OTOGL: variants seen among roughly 807,000 people sequenced by gnomAD.
OTOGL encodes the protein otogelin-like protein.
OTOGL carries 285 observed loss-of-function variants against 318.5 expected under a neutral mutation model. The observed-to-expected ratio is 0.89, with a 90% CI of 0.81 to 0.99. The LOEUF (loss-of-function observed/expected upper bound fraction) is 0.99, where lower values mean the gene tolerates loss of function less well. Ranked by LOEUF, OTOGL falls within the 50% of genes least tolerant of loss-of-function variation. The pLI, the probability that OTOGL is intolerant of heterozygous loss-of-function variation, is 0.00. For synonymous variants in OTOGL, 987 were observed against 936.5 expected (o/e 1.05, Z -0.99); for missense variants, 2,899 against 2,845.6 (o/e 1.02, Z -0.43).
chr12:80,167,231 T>C (rs534532771), intron 1 of OTOGL, among the ~76,000 whole-genome samples: 23 of 152,142 alleles, frequency 1.5e-4, no homozygotes, highest in African/African-American at 5.5e-4. Flanking sequence ...TCAGCCTTAG[T>C]AGAGTGAAGG....
chr12:80,310,591 C>G lies in OTOGL; in HGVS notation c.3334-20C>G, dbSNP rs367786683. 1.8e-5 allele frequency: 27 copies of G among 1,518,248 alleles called. No individual in the cohort carries two copies. In the African/African-American group the frequency reaches 2.3e-4, roughly 13 times the overall value. The allele number at this position is 1,518,248 out of a possible 1,614,324, so 94.0% of individuals were successfully genotyped here. The stretch of plus-strand genomic sequence containing the variant: ...TTGTCCCTTTGAAAACTTCTTTTCT[C>G]TCTTAAATTTTTTCAACAGTGTGAA... On this transcript the variant is annotated intron_variant, in intron 29 of 58. Coordinates refer to ENST00000547103, the MANE Select transcript of OTOGL (RefSeq NM_001378609.3).
chr12:80,332,257 T>G (rs1424831595), intron 37 of OTOGL, among the ~76,000 whole-genome samples: 1 of 152,184 alleles, frequency 6.6e-6, no homozygotes. Context: ...AATACACTGG[T>G]GTTGTTTTAA....
rs541469591 is a variant in OTOGL at position 80,115,483 on chromosome 12, G to A, written c.-20+15878G>A. Reference sequence around the variant, plus strand: ...TTCCTCTGCTTCCTCTGGAGCAGAGGAAGTGTCTGGGAAGTGTCTCCCCAT... The same window carrying A: ...TTCCTCTGCTTCCTCTGGAGCAGAGAAAGTGTCTGGGAAGTGTCTCCCCAT... On this transcript the variant is annotated intron_variant, in intron 1 of 58. Transcript: ENST00000547103. Among the ~76,000 whole-genome samples the A allele has an allele frequency of 5.3e-5, 8 of 152,150 alleles. No individual in the cohort carries two copies. The South Asian group carries it at 6.2e-4, about 12-fold the overall frequency.
chr12:80,296,020 AG>A (rs1555292733), intron 26 of OTOGL, among the ~76,000 whole-genome samples: 3 of 152,144 alleles, frequency 2.0e-5, no homozygotes, highest in Non-Finnish European at 2.9e-5. Flanking sequence ...TGCCAAGGAA[AG>A]GGGTCTACCT....
At chr12:80,233,529 T>C (rs1391001769) in intron 9 of OTOGL, among the ~76,000 whole-genome samples, 2 of 152,226 alleles carry the variant, frequency 1.3e-5, no homozygotes, top group East Asian at 3.8e-4. Context: ...AGGAATAAGT[T>C]GAATAATTGA....
intron 1 of OTOGL, among the ~76,000 whole-genome samples, chr12:80,195,892 A>G (rs1455188828): frequency 1.3e-5 from 2 of 152,208 alleles, no homozygotes; most frequent in African/African-American, 4.8e-5. Context: ...GAGGTTGTTA[A>G]ACGGTTACCA....
intron 7 of OTOGL, among the ~76,000 whole-genome samples, chr12:80,226,148 A>G (rs12310547): frequency 0.044 from 6,569 of 147,770 alleles, 485 homozygotes; most frequent in African/African-American, 0.16. Context: ...ATGAGAAATT[A>G]TCTTAGTTAT....
chr12:80,198,641 A>G (rs963205822), intron 1 of OTOGL, among the ~76,000 whole-genome samples: 1 of 152,104 alleles, frequency 6.6e-6, no homozygotes, highest in African/African-American at 2.4e-5. Context: ...TAAACAAAAC[A>G]ACTCTCCATG....
In OTOGL at chr12:80,315,928, A is replaced by T. The variant is rs1886943925; in HGVS notation, c.3634+1597A>T. Among the ~76,000 whole-genome samples, 6 of 152,294 alleles carry T rather than the reference A, an allele frequency of 3.9e-5. No homozygotes were observed. The South Asian group carries it at 1.2e-3, about 32-fold the overall frequency. ...CACTTCACATCAATCTTTGGATTCC[A>T]TAATTAAAATGTGATTTATTGTCTA... On this transcript the variant is annotated intron_variant, in intron 32 of 58. Coordinates refer to ENST00000547103, the MANE Select transcript of OTOGL (RefSeq NM_001378609.3).
chr12:80,138,648 T>G (rs1299315262), intron 1 of OTOGL, among the ~76,000 whole-genome samples: 1 of 152,154 alleles, frequency 6.6e-6, no homozygotes, highest in Non-Finnish European at 1.5e-5. Flanking sequence ...AGCCAATAGC[T>G]ACATTAGCAC....
intron 1 of OTOGL, among the ~76,000 whole-genome samples, chr12:80,102,336 A>G (rs1385299461): frequency 6.6e-6 from 1 of 152,328 alleles, no homozygotes; most frequent in South Asian, 2.1e-4. Flanking sequence ...ATTATCATCA[A>G]TTAAATGTCC....
chr12:80,147,716 C>T (rs372299673), intron 1 of OTOGL, among the ~76,000 whole-genome samples: 9 of 152,114 alleles, frequency 5.9e-5, no homozygotes, highest in Middle Eastern at 3.4e-3. Flanking sequence ...CACTCAGGAC[C>T]TGCTTTATGA....
Position 80,366,511 on chromosome 12 carries a change from TTA to T in OTOGL, c.6268-44_6268-43del, listed in dbSNP as rs35874282. The T allele has an allele frequency of 4.2e-3, 744 of 175,986 alleles. 4 individuals carry two copies. The highest frequency in any genetic ancestry group is 0.014 in the Middle Eastern group (7 of 490). The allele number at this position is 175,986 out of a possible 1,614,324, so 10.9% of individuals were successfully genotyped here. A position where few individuals can be genotyped will look rare whatever the true frequency, so the allele number is the denominator to read the frequency against. On this transcript the variant is annotated intron_variant, in intron 52 of 58. Coordinates refer to ENST00000547103, the MANE Select transcript of OTOGL (RefSeq NM_001378609.3). ...ATATCAATTGTTTTATATATATAGGTTATATATATATATATATATAAAATAAG... is the reference window on the plus strand; with the variant it reads ...ATATCAATTGTTTTATATATATAGGTTATATATATATATATATAAAATAAG...
At chr12:80,132,180 A>G (rs1279212310) in intron 1 of OTOGL, 1 of 152,184 alleles carries the variant, frequency 6.6e-6, no homozygotes, top group East Asian at 1.9e-4. Flanking sequence ...CACTGTTTGT[A>G]TCTTTATGTG....
chr12:80,148,982 G>C (rs370492730), intron 1 of OTOGL, among the ~76,000 whole-genome samples: 2 of 152,088 alleles, frequency 1.3e-5, no homozygotes, highest in Admixed American at 6.5e-5. Context: ...TTTTCAACTT[G>C]TTTGCCTTTG....
chr12:80,348,407 G>A (rs1323683450), intron 44 of OTOGL, among the ~76,000 whole-genome samples: 1 of 152,022 alleles, frequency 6.6e-6, no homozygotes, highest in Non-Finnish European at 1.5e-5. Flanking sequence ...TTTTTGTCAG[G>A]TTTGTGAAAG....
chr12:80,366,493 T>C, intron 52 of OTOGL, 81 bp from the exon 53 acceptor site: 1 of 188,442 alleles, frequency 5.3e-6, no homozygotes, highest in Non-Finnish European at 9.3e-6. Flanking sequence ...TATATATCAA[T>C]TGTTTTATAT....
At chr12:80,275,669 G>A (rs1057331969) in intron 24 of OTOGL, among the ~76,000 whole-genome samples, 1 of 151,688 alleles carries the variant, frequency 6.6e-6, no homozygotes, top group Non-Finnish European at 1.5e-5. Context: ...TGTGAAAGGG[G>A]GAGTCAATCA....
In OTOGL at chr12:80,257,937, C is replaced by T. The variant is rs577298825; in HGVS notation, c.1824C>T (p.Ser608=). ...DGERIYIQLT[S]AWKRRTLGLC... is the part of the protein sequence containing the mutation. Reference sequence around the variant, plus strand: ...AAAGAATTTATATTCAGCTTACTAGCGCATGGAAAAGAAGAACATTAGGTC... The same window carrying T: ...AAAGAATTTATATTCAGCTTACTAGTGCATGGAAAAGAAGAACATTAGGTC... The change falls in exon 18 of 59, where the codon AGC becomes AGT. Residue 608 remains serine (S), a synonymous_variant. Transcript: ENST00000547103. 24 of 1,597,806 alleles carry T rather than the reference C, an allele frequency of 1.5e-5. No homozygotes were observed. The highest frequency in any genetic ancestry group is 1.2e-4 in the African/African-American group (9 of 74,878).
Sources: allele counts gnomAD v4.1 joint callset (sites outside exome capture counted in the v4.1 genomes callset), GRCh38; gene constraint gnomAD v4.1.1; transcripts MANE v1.5; gene names NCBI Gene and HGNC (gene_info 2026-07-23, HGNC 2026-07-21).